Variants in RFTN1 observed in about 807,000 individuals in gnomAD.
The protein encoded by RFTN1 is raftlin, lipid raft linker 1, also known as raftlin.
In RFTN1, 26 loss-of-function variants were observed where a neutral mutation model predicts 46.5. That is an observed-to-expected ratio of 0.56 (90% CI 0.41 to 0.78). RFTN1 has a LOEUF of 0.78. Among genes scored for constraint, RFTN1 ranks in the 30% least tolerant of loss-of-function variants. The pLI, the probability that RFTN1 is intolerant of heterozygous loss-of-function variation, is 0.00. For synonymous variants in RFTN1, 261 were observed against 284.2 expected, an observed-to-expected ratio of 0.92 and a Z score of 0.82; for missense variants, 693 against 718.7, an observed-to-expected ratio of 0.96 and a Z score of 0.41.
In RFTN1 at chr3:16,474,083, G is replaced by A. The variant is rs953845752; in HGVS notation, c.145+19642C>T. On this transcript the variant is annotated intron_variant, in intron 2 of 9. Coordinates refer to ENST00000334133, the MANE Select transcript of RFTN1 (RefSeq NM_015150.2). The surrounding 1 kb of genome is among the most constrained non-coding windows in gnomAD (Gnocchi z 5.5). Reference sequence around the variant, plus strand: ...TTTACATCATTCCTGTCTTGGGGAGGAAATCTTGCACTTACATTTGACTCT... The same window carrying A: ...TTTACATCATTCCTGTCTTGGGGAGAAAATCTTGCACTTACATTTGACTCT... Among the ~76,000 whole-genome samples, 1 of 152,194 alleles carries A rather than the reference G, an allele frequency of 6.6e-6. No homozygotes were observed. The highest frequency in any genetic ancestry group is 1.5e-5 in the Non-Finnish European group (1 of 68,030).
At chr3:16,354,257 T>TTTCA (rs2072283628) in intron 7 of RFTN1, among the ~76,000 whole-genome samples, 2 of 152,152 alleles carry the variant, frequency 1.3e-5, no homozygotes, top group Admixed American at 1.3e-4. Context: ...AGGAGGGGTC[T>TTTCA]TTCACCCTGC....
rs58758514 is a variant in RFTN1 at position 16,345,849 on chromosome 3, CATGTGT to C, written c.1146+12077_1146+12082del. 0.53 allele frequency among the ~76,000 whole-genome samples: 68,869 copies of C among 130,932 alleles called. 16,474 individuals are homozygous for C. Among genetic ancestry groups the C allele is most frequent in the African/African-American group, 0.64 (24,371 of 38,050 alleles). The allele number at this position is 130,932 out of a possible 152,430, so 85.9% of individuals were successfully genotyped here. ...GCGCGTGCGCGCACGCGCACATGTG[CATGTGT>C]ATGTGTATAATCTCCTACTGGTTCT... On this transcript the variant is annotated intron_variant, in intron 7 of 9. Coordinates refer to ENST00000334133, the MANE Select transcript of RFTN1 (RefSeq NM_015150.2). This position sits in a 1 kb window ranked among gnomAD's most constrained non-coding sequence, Gnocchi z 5.2.
chr3:16,459,055 C>T lies in RFTN1; in HGVS notation c.146-25018G>A, dbSNP rs564363498. ...ACTCAGGTGATTCTCCCACCTCAGC[C>T]TCCCGAGTAGCTGGGACCACAGGTG... On this transcript the variant is annotated intron_variant, in intron 2 of 9. Transcript: ENST00000334133. This position sits in a 1 kb window ranked among gnomAD's most constrained non-coding sequence, Gnocchi z 4.2. 1.3e-5 allele frequency among the ~76,000 whole-genome samples: 2 copies of T among 152,310 alleles called. No individual in the cohort carries two copies. Among genetic ancestry groups the T allele is most frequent in the East Asian group, 3.9e-4 (2 of 5,184 alleles).
rs933168223 is a variant in RFTN1, at chr3:16,407,181, A to G, written c.441+2194T>C. Among the ~76,000 whole-genome samples the G allele has an allele frequency of 2.6e-5, 4 of 152,012 alleles. No individual in the cohort carries two copies. The highest frequency in any genetic ancestry group is 9.7e-5 in the African/African-American group (4 of 41,388). On this transcript the variant is annotated intron_variant, in intron 4 of 9. Transcript: ENST00000334133. This position sits in a 1 kb window ranked among gnomAD's most constrained non-coding sequence, Gnocchi z 4.0. ...CAAAGTCACCAACTCATATCAACTC[A>G]TATGTTTTCTTTCTTTTAAGAGACT...
chr3:16,408,489 A>G (rs1447345918), intron 4 of RFTN1, among the ~76,000 whole-genome samples: 1 of 150,816 alleles, frequency 6.6e-6, no homozygotes, highest in Non-Finnish European at 1.5e-5. Flanking sequence ...AACACTGGGT[A>G]AGAGAGAACA....
Position 16,321,222 on chromosome 3 carries a change from T to A in RFTN1, c.1332+2154A>T, listed in dbSNP as rs771915063. 6.6e-6 allele frequency among the ~76,000 whole-genome samples: 1 copy of A among 151,290 alleles called. No individual in the cohort carries two copies. Among genetic ancestry groups the A allele is most frequent in the Non-Finnish European group, 1.5e-5 (1 of 67,824 alleles). On this transcript the variant is annotated intron_variant, in intron 9 of 9. Transcript: ENST00000334133. The surrounding 1 kb of genome is among the most constrained non-coding windows in gnomAD (Gnocchi z 4.8). ...AGCCACAGGATGGATGGAGCTGGAG[T>A]CTTGGGGTGCAGTGAGGGCTGAAAA...
intron 6 of RFTN1, among the ~76,000 whole-genome samples, chr3:16,368,488 A>G (rs1444133687): frequency 5.3e-5 from 8 of 152,142 alleles, no homozygotes; most frequent in East Asian, 1.9e-4. Context: ...TGGCTAACAC[A>G]GCGAAACCCC....
chr3:16,461,429 C>T (rs1465155335), intron 2 of RFTN1, among the ~76,000 whole-genome samples: 6 of 152,096 alleles, frequency 3.9e-5, no homozygotes, highest in African/African-American at 1.4e-4. Flanking sequence ...TACACATACA[C>T]GTACATAAAT....
Position 16,434,393 on chromosome 3 carries a change from C to CA in RFTN1, c.146-357dup, listed in dbSNP as rs763361472. Among the ~76,000 whole-genome samples, 1,122 of 113,424 alleles carry CA rather than the reference C, an allele frequency of 9.9e-3. 18 individuals are homozygous for CA. The highest frequency in any genetic ancestry group is 0.032 in the African/African-American group (998 of 31,470). The allele number at this position is 113,424 out of a possible 152,430, so 74.4% of individuals were successfully genotyped here. On this transcript the variant is annotated intron_variant, in intron 2 of 9. Transcript: ENST00000334133. ...ACAAACAAACAAACAAACAAACAAACAAAAACAAAAAAACCCCCTCAAAAT... is the reference window on the plus strand; with the variant it reads ...ACAAACAAACAAACAAACAAACAAACAAAAAACAAAAAAACCCCCTCAAAAT...
rs781039844 is a variant in RFTN1, at chr3:16,499,098, T to A, written c.-8-5221A>T. ...CAGAAGACACAGGTGTGCTGCACAT[T>A]CCCGCACACAGACATTCAGGGAGTG... On this transcript the variant is annotated intron_variant, in intron 1 of 9. Coordinates refer to ENST00000334133, the MANE Select transcript of RFTN1 (RefSeq NM_015150.2). This position sits in a 1 kb window ranked among gnomAD's most constrained non-coding sequence, Gnocchi z 4.9. Among the ~76,000 whole-genome samples, 2 of 152,146 alleles carry A rather than the reference T, an allele frequency of 1.3e-5. No homozygotes were observed. Among genetic ancestry groups the A allele is most frequent in the African/African-American group, 2.4e-5 (1 of 41,438 alleles).
chr3:16,456,816 A>G (rs1202974390), intron 2 of RFTN1, among the ~76,000 whole-genome samples: 1 of 152,250 alleles, frequency 6.6e-6, no homozygotes, highest in Non-Finnish European at 1.5e-5. Context: ...CAAAGGTCTT[A>G]GTATCATTTT....
rs56135362 is a variant in RFTN1 at position 16,374,647 on chromosome 3, G to A, written c.826+3071C>T. On this transcript the variant is annotated intron_variant, in intron 5 of 9. Transcript: ENST00000334133. This position sits in a 1 kb window ranked among gnomAD's most constrained non-coding sequence, Gnocchi z 5.4. The stretch of plus-strand genomic sequence containing the variant: ...AGGAAGGGCAGTGCTTGGAAGACTT[G>A]TTATTTTGGTGACGGTGAGAATGAT... 0.053 allele frequency among the ~76,000 whole-genome samples: 8,064 copies of A among 152,276 alleles called. 264 individuals carry two copies. The highest frequency in any genetic ancestry group is 0.14 in the Middle Eastern group (42 of 294).
intron 2 of RFTN1, chr3:16,482,682 G>A (rs2124972847): frequency 8.1e-7 from 1 of 1,234,430 alleles, no homozygotes. Context: ...TTGACACTGA[G>A]CACCATGCAT....
Position 16,316,857 on chromosome 3 carries a change from TG to T in RFTN1, c.1707del (p.Arg570GlufsTer20), listed in dbSNP as rs768524709. On this transcript the variant is annotated frameshift_variant, in exon 10 of 10. Transcript: ENST00000334133. LOFTEE classifies it low-confidence loss of function (END_TRUNC). This position sits in a 1 kb window ranked among gnomAD's most constrained non-coding sequence, Gnocchi z 4.5. Reference sequence around the variant, plus strand: ...TTTTCTTCAACCGTACCAAGCTCTCTGACTTCCTCAGCATCCCCGTCCCTGG... The same window carrying T: ...TTTTCTTCAACCGTACCAAGCTCTCTACTTCCTCAGCATCCCCGTCCCTGG... Reference protein sequence around the residue: ...EDARDGDAEEVRELGTVEEN With the variant: ...EDARDGDAEEXRELGTVEEN 1.9e-6 allele frequency: 3 copies of T among 1,614,184 alleles called. No homozygotes were observed. The highest frequency in any genetic ancestry group is 2.5e-6 in the Non-Finnish European group (3 of 1,180,034).
chr3:16,368,057 A>G (rs2073306659), intron 6 of RFTN1, among the ~76,000 whole-genome samples: 1 of 152,042 alleles, frequency 6.6e-6, no homozygotes, highest in African/African-American at 2.4e-5. Context: ...GATAGCATCT[A>G]TGGGCACCGA....
chr3:16,440,626 G>A lies in RFTN1; in HGVS notation c.146-6589C>T, dbSNP rs1330417971. The stretch of plus-strand genomic sequence containing the variant: ...AAAGTAAACAAGAGACATGAGCCAG[G>A]GGGACAGCAATGAACACCGAGGCCC... On this transcript the variant is annotated intron_variant, in intron 2 of 9. Coordinates refer to ENST00000334133, the MANE Select transcript of RFTN1 (RefSeq NM_015150.2). This position sits in a 1 kb window ranked among gnomAD's most constrained non-coding sequence, Gnocchi z 4.6. Among the ~76,000 whole-genome samples, 3 of 152,068 alleles carry A rather than the reference G, an allele frequency of 2.0e-5. No homozygotes were observed. Among genetic ancestry groups the A allele is most frequent in the African/African-American group, 7.2e-5 (3 of 41,394 alleles).
intron 3 of RFTN1, among the ~76,000 whole-genome samples, chr3:16,423,611 G>A (rs1471840321): frequency 6.6e-6 from 1 of 152,108 alleles, no homozygotes; most frequent in Non-Finnish European, 1.5e-5. Context: ...ATGAAGCAAT[G>A]AACAAGGACT....
In RFTN1 at chr3:16,449,125, C is replaced by G. The variant is rs935078468; in HGVS notation, c.146-15088G>C. ...GTGGAGTGGGAAGGCTTCATGATAT[C>G]TGAAATCCCCACAAATTCATACGAA... On this transcript the variant is annotated intron_variant, in intron 2 of 9. Coordinates refer to ENST00000334133, the MANE Select transcript of RFTN1 (RefSeq NM_015150.2). This position sits in a 1 kb window ranked among gnomAD's most constrained non-coding sequence, Gnocchi z 5.1. Among the ~76,000 whole-genome samples the G allele has an allele frequency of 2.0e-5, 3 of 152,214 alleles. No individual in the cohort carries two copies. Among genetic ancestry groups the G allele is most frequent in the African/African-American group, 7.2e-5 (3 of 41,450 alleles).
At position 16,322,485 on chromosome 3, in the gene RFTN1, C is replaced by T. The variant is rs907569982; in HGVS notation, c.1332+891G>A. ...AGGAGCCGAGCAGGTCAGGCAGGCC[C>T]TGCCGAGAATGTGGCCTCAGCCATC... is the stretch of plus-strand genomic sequence containing the variant. On this transcript the variant is annotated intron_variant, in intron 9 of 9. Transcript: ENST00000334133. This position sits in a 1 kb window ranked among gnomAD's most constrained non-coding sequence, Gnocchi z 6.2. 6.6e-6 allele frequency among the ~76,000 whole-genome samples: 1 copy of T among 152,210 alleles called. No homozygotes were observed. The highest frequency in any genetic ancestry group is 2.4e-5 in the African/African-American group (1 of 41,456).
Sources: gnomAD v4.1 joint callset for allele counts (sites outside exome capture counted in the v4.1 genomes callset) on GRCh38, gnomAD v4.1.1 for gene constraint, Gnocchi (gnomAD v3.1) non-coding constraint, MANE v1.5 for transcripts, NCBI Gene and HGNC (gene_info 2026-07-23, HGNC 2026-07-21) for gene names.